The following HERC2 variants were observed in gnomAD, a reference collection of about 807,000 sequenced individuals.
HERC2 encodes E3 ubiquitin-protein ligase HERC2.
In HERC2, 102 loss-of-function variants were observed where a neutral mutation model predicts 537.7. The ratio of observed to expected loss-of-function variants is 0.19; its 90% CI spans 0.16 to 0.22. HERC2 has a LOEUF of 0.22. HERC2 is among the 10% of genes least tolerant of loss of function. HERC2 has a pLI of 1.00. For missense variants in HERC2, 4,236 were observed against 6,198.2 expected (o/e 0.68, Z 10.63); for synonymous variants, 2,224 against 2,466.2 (o/e 0.90, Z 2.91).
At chr15:28,226,393 G>A (rs1464311174) in intron 35 of HERC2, among the ~76,000 whole-genome samples, 1 of 99,450 alleles carries the variant, frequency 1.0e-5, no homozygotes, top group African/African-American at 1.2e-4. Flanking sequence ...CAAAACAGGG[G>A]GTACCTGCAC....
At chr15:28,150,303 G>A (rs1046740894) in intron 70 of HERC2, among the ~76,000 whole-genome samples, 3 of 148,942 alleles carry the variant, frequency 2.0e-5, no homozygotes, top group Admixed American at 6.7e-5. Flanking sequence ...ACGGCCACAC[G>A]AATGTATATT....
Position 28,268,367 on chromosome 15 carries a change from A to G in HERC2, c.1598+98T>C, listed in dbSNP as rs916976. On this transcript the variant is annotated intron_variant, in intron 12 of 92. Coordinates refer to ENST00000261609, the MANE Select transcript of HERC2 (RefSeq NM_004667.6). This position sits in a 1 kb window ranked among gnomAD's most constrained non-coding sequence, Gnocchi z 4.7. ...CATCCCAGCGCTACATGTCAGGGCAATTGGAAAACACCTGGACACACTTCT... is the reference window on the plus strand; with the variant it reads ...CATCCCAGCGCTACATGTCAGGGCAGTTGGAAAACACCTGGACACACTTCT... 24,193 of 1,170,978 alleles carry G rather than the reference A, an allele frequency of 0.021. 3,639 individuals are homozygous for G. The African/African-American group carries it at 0.33, about 16-fold the overall frequency. The allele number at this position is 1,170,978 out of a possible 1,614,324, so 72.5% of individuals were successfully genotyped here. A position where few individuals can be genotyped will look rare whatever the true frequency, so the allele number is the denominator to read the frequency against.
In HERC2 at chr15:28,177,179, A is replaced by C; in HGVS notation, c.9255-52T>G. 1 of 1,551,150 alleles carries C rather than the reference A, an allele frequency of 6.4e-7. No individual in the cohort carries two copies. Among genetic ancestry groups the C allele is most frequent in the Non-Finnish European group, 8.8e-7 (1 of 1,142,176 alleles). On this transcript the variant is annotated intron_variant, in intron 60 of 92. Coordinates refer to ENST00000261609, the MANE Select transcript of HERC2 (RefSeq NM_004667.6). This position sits in a 1 kb window ranked among gnomAD's most constrained non-coding sequence, Gnocchi z 5.0. Reference sequence around the variant, plus strand: ...ACAGTCAATCTGTCCCTTCTTAGAGATGAAGGAAAAAAGACATCTATACTG... The same window carrying C: ...ACAGTCAATCTGTCCCTTCTTAGAGCTGAAGGAAAAAAGACATCTATACTG...
chr15:28,171,159 G>A (rs1303704840), intron 65 of HERC2, among the ~76,000 whole-genome samples: 1 of 152,162 alleles, frequency 6.6e-6, no homozygotes, highest in Non-Finnish European at 1.5e-5. Context: ...TTCACGTAAA[G>A]TAAATTTTCA....
Position 28,265,814 on chromosome 15 carries a change from T to C in HERC2, c.1756+3A>G, listed in dbSNP as rs1471331765. 5.6e-6 allele frequency: 9 copies of C among 1,614,034 alleles called. No individual in the cohort carries two copies. Among genetic ancestry groups the C allele is most frequent in the Admixed American group, 1.7e-5 (1 of 60,004 alleles). On this transcript the variant is annotated splice_donor_region_variant and intron_variant, in intron 13 of 92. Transcript: ENST00000261609. The surrounding 1 kb of genome is among the most constrained non-coding windows in gnomAD (Gnocchi z 4.0). ...TGCTCCCACTCATGCAGAGCAGACG[T>C]ACCATGGCCCAGCCGGCCGTAGTTC...
At chr15:28,291,466 G>C (rs76539705) in intron 4 of HERC2, among the ~76,000 whole-genome samples, 1 of 152,054 alleles carries the variant, frequency 6.6e-6, no homozygotes, top group Non-Finnish European at 1.5e-5. Flanking sequence ...TATCCACACC[G>C]AAGGGATAAT....
chr15:28,142,697 A>C (rs1395646329), intron 75 of HERC2, 130 bp downstream of exon 75: 2 of 900,952 alleles, frequency 2.2e-6, no homozygotes, highest in Non-Finnish European at 3.4e-6. Context: ...AGATTTTTTC[A>C]TATTTGACTT....
chr15:28,270,000 T>C (rs935898058), intron 10 of HERC2, among the ~76,000 whole-genome samples: 2 of 152,212 alleles, frequency 1.3e-5, no homozygotes, highest in African/African-American at 4.8e-5. Flanking sequence ...TCACGCTTGT[T>C]GCCCAGGCTG....
At position 28,238,639 on chromosome 15, in the gene HERC2, G is replaced by A; in HGVS notation, c.3711C>T (p.Asp1237=). 2 of 1,611,552 alleles carry A rather than the reference G, an allele frequency of 1.2e-6. No individual in the cohort carries two copies. The highest frequency in any genetic ancestry group is 1.1e-5 in the South Asian group (1 of 90,980). Reference sequence around the variant, plus strand: ...TTCCTGTTAACGACTGTGTCTGGAAGTCCTTTATATCATACACCTTCCCGT... The same window carrying A: ...TTCCTGTTAACGACTGTGTCTGGAAATCCTTTATATCATACACCTTCCCGT... ...VIDGKVYDIK[D]FQTQSLTGNS... The change falls in exon 24 of 93, where the codon GAC becomes GAT. Residue 1237 remains aspartate, a synonymous_variant. Coordinates refer to ENST00000261609, the MANE Select transcript of HERC2 (RefSeq NM_004667.6).
At chr15:28,132,852 TA>T (rs751005786) in intron 79 of HERC2, 22 bp from the exon 80 acceptor site, 2 of 1,506,704 alleles carry the variant, frequency 1.3e-6, no homozygotes, top group Non-Finnish European at 1.8e-6. Context: ...TCACCAAATA[TA>T]ATGGAAACAC....
At position 28,257,075 on chromosome 15, in the gene HERC2, G is replaced by A. The variant is rs2075285490; in HGVS notation, c.2503C>T (p.Leu835Phe). The change falls in exon 17 of 93, where the codon CTT becomes TTT. Residue 835 changes from leucine to phenylalanine, a missense_variant. Coordinates refer to ENST00000261609, the MANE Select transcript of HERC2 (RefSeq NM_004667.6). ...ATCATGAATACCTGAAGTCGTAGAA[G>A]ATTCAGCGTTGCCACGGCCACACAC... is the stretch of plus-strand genomic sequence containing the variant. ...KECVAVATLN[L>F]LRLQLHAAIS... The A allele has an allele frequency of 6.2e-7, 1 of 1,613,388 alleles. No homozygotes were observed. Among genetic ancestry groups the A allele is most frequent in the Non-Finnish European group, 8.5e-7 (1 of 1,179,476 alleles).
chr15:28,291,867 T>A (rs1187620526), intron 4 of HERC2, among the ~76,000 whole-genome samples: 2 of 127,328 alleles, frequency 1.6e-5, no homozygotes, highest in African/African-American at 6.2e-5. Flanking sequence ...ATCACGCCAC[T>A]GTACTCCAGC....
rs533912321 is a variant in HERC2, at chr15:28,116,457, T to C, written c.13609+208A>G. 2.0e-5 allele frequency among the ~76,000 whole-genome samples: 3 copies of C among 152,268 alleles called. No individual in the cohort carries two copies. The East Asian group carries it at 5.8e-4, about 29-fold the overall frequency. ...GTCTCGAACTCCTGACCTCAGGCAA[T>C]CTGCCTGCCTCAGCCTCCCAAAGTG... On this transcript the variant is annotated intron_variant, in intron 88 of 92. Coordinates refer to ENST00000261609, the MANE Select transcript of HERC2 (RefSeq NM_004667.6).
intron 26 of HERC2, 103 bp downstream of exon 26, chr15:28,236,860 T>C: frequency 2.4e-6 from 2 of 816,902 alleles, no homozygotes; most frequent in Non-Finnish European, 4.1e-6. Flanking sequence ...ACTGCTGGGA[T>C]TACAGGCATG....
Position 28,264,642 on chromosome 15 carries a change from A to G in HERC2, c.1870+976T>C, listed in dbSNP as rs149438210. The stretch of plus-strand genomic sequence containing the variant: ...TCTGCAGCCCTACTCAAGGCAGTTT[A>G]CTCAACATATCATCGCAAACTTTAA... On this transcript the variant is annotated intron_variant, in intron 14 of 92. Transcript: ENST00000261609. 4.0e-3 allele frequency among the ~76,000 whole-genome samples: 608 copies of G among 152,328 alleles called. 9 individuals carry two copies. Among genetic ancestry groups the G allele is most frequent in the Admixed American group, 0.035 (529 of 15,302 alleles).
intron 68 of HERC2, among the ~76,000 whole-genome samples, chr15:28,163,569 G>C (rs1893831612): frequency 6.6e-6 from 1 of 152,194 alleles, no homozygotes; most frequent in African/African-American, 2.4e-5. Context: ...CTGGGACCAA[G>C]TTTGGATCAT....
chr15:28,220,174 C>A (rs932036704), intron 37 of HERC2, among the ~76,000 whole-genome samples: 2 of 152,182 alleles, frequency 1.3e-5, no homozygotes, highest in African/African-American at 4.8e-5. Flanking sequence ...GTGCAGCTGC[C>A]CCGGCCTGGC....
At chr15:28,201,298 G>C (rs928050233) in intron 48 of HERC2, among the ~76,000 whole-genome samples, 158 bp downstream of exon 48, 2 of 152,242 alleles carry the variant, frequency 1.3e-5, no homozygotes, top group East Asian at 3.9e-4. Context: ...ACCTTCTAGC[G>C]TACCATGAGC....
At position 28,189,330 on chromosome 15, in the gene HERC2, GA is replaced by G. The variant is rs138944296; in HGVS notation, c.8649+1634del. ...TTCTTGGATTAAAGATATCTTTTAC[GA>G]ATGATAATCTCCATTGTTGATTTAA... On this transcript the variant is annotated intron_variant, in intron 55 of 92. Transcript: ENST00000261609. 4.7e-3 allele frequency among the ~76,000 whole-genome samples: 716 copies of G among 152,222 alleles called. 4 individuals carry two copies. The highest frequency in any genetic ancestry group is 0.017 in the African/African-American group (691 of 41,544).
Sources: gnomAD v4.1 joint callset for allele counts (sites outside exome capture counted in the v4.1 genomes callset) on GRCh38, gnomAD v4.1.1 for gene constraint, Gnocchi (gnomAD v3.1) non-coding constraint, MANE v1.5 for transcripts, NCBI Gene and HGNC (gene_info 2026-07-23, HGNC 2026-07-21) for gene names.